Variants in PLCB1 observed in about 807,000 individuals in gnomAD.
The protein encoded by PLCB1 is phospholipase C beta 1.
Under a neutral mutation model 161.8 loss-of-function variants are expected in PLCB1, and 46 were observed. The observed-to-expected ratio is 0.28, with a 90% CI of 0.22 to 0.36. The LOEUF is 0.36. Ranked by LOEUF, PLCB1 falls within the 10% of genes least tolerant of loss-of-function variation. PLCB1 has a pLI of 1.00. For missense variants in PLCB1, 1,016 were observed against 1,472.5 expected, an observed-to-expected ratio of 0.69 and a Z score of 5.07; for synonymous variants, 517 against 503.7, an observed-to-expected ratio of 1.03 and a Z score of -0.35.
chr20:8,648,644 G>A (rs543306233), intron 6 of PLCB1, among the ~76,000 whole-genome samples: 50 of 152,256 alleles, frequency 3.3e-4, no homozygotes, highest in Middle Eastern at 3.4e-3. Flanking sequence ...AAGCTTCTGC[G>A]AATACACAAA....
At chr20:8,734,323 C>T (rs2123504707) in intron 19 of PLCB1, among the ~76,000 whole-genome samples, 1 of 151,770 alleles carries the variant, frequency 6.6e-6, no homozygotes, top group East Asian at 1.9e-4. Context: ...ATTAGTGGCC[C>T]ATATTGGAGA....
chr20:8,279,220 A>T (rs1982753504), intron 2 of PLCB1, among the ~76,000 whole-genome samples: 2 of 152,156 alleles, frequency 1.3e-5, no homozygotes, highest in Non-Finnish European at 2.9e-5. Context: ...TCCTAGCAAA[A>T]CTATTCACAA....
At chr20:8,584,471 TACAC>T (rs1342013264) in intron 3 of PLCB1, among the ~76,000 whole-genome samples, 7 of 115,098 alleles carry the variant, frequency 6.1e-5, no homozygotes, top group Non-Finnish European at 1.0e-4. Flanking sequence ...CACACACACA[TACAC>T]ACACACAGAC....
chr20:8,738,795 A>G (rs1207358364), intron 20 of PLCB1, among the ~76,000 whole-genome samples: 5 of 152,194 alleles, frequency 3.3e-5, no homozygotes, highest in African/African-American at 7.2e-5. Context: ...AATGAAATTT[A>G]TAGGGCAACA....
intron 3 of PLCB1, among the ~76,000 whole-genome samples, chr20:8,518,306 T>G (rs1984218329): frequency 6.6e-6 from 1 of 152,186 alleles, no homozygotes; most frequent in South Asian, 2.1e-4. Context: ...CCCAACATGC[T>G]GAGTTTGATT....
chr20:8,686,479 T>C (rs913201479), intron 10 of PLCB1, among the ~76,000 whole-genome samples: 2 of 152,238 alleles, frequency 1.3e-5, no homozygotes, highest in South Asian at 4.1e-4. Flanking sequence ...TTCCAACTGA[T>C]ATATTTATAT....
intron 3 of PLCB1, among the ~76,000 whole-genome samples, chr20:8,495,505 C>T (rs573585875): frequency 8.2e-4 from 122 of 148,520 alleles, no homozygotes; most frequent in African/African-American, 2.9e-3. Context: ...TCACGCCATT[C>T]TCCTGCCTCA....
At chr20:8,693,976 A>G (rs1375947321) in intron 10 of PLCB1, among the ~76,000 whole-genome samples, 1 of 152,174 alleles carries the variant, frequency 6.6e-6, no homozygotes, top group Non-Finnish European at 1.5e-5. Context: ...ATGATGTCAA[A>G]TACTAGTTTC....
intron 31 of PLCB1, among the ~76,000 whole-genome samples, chr20:8,810,853 A>C (rs573975162): frequency 6.6e-6 from 1 of 152,308 alleles, no homozygotes; most frequent in South Asian, 2.1e-4. Context: ...AGTCCCAGCT[A>C]CTTGGGGGGC....
intron 2 of PLCB1, among the ~76,000 whole-genome samples, chr20:8,308,879 G>C (rs1262205752): frequency 6.6e-6 from 1 of 151,974 alleles, no homozygotes; most frequent in Non-Finnish European, 1.5e-5. Flanking sequence ...TGCCTTTGTA[G>C]TGTAGTTCAT....
chr20:8,658,754 G>GTAGTCACACGCTGGGAGTTAGGAA lies in PLCB1; in HGVS notation c.862+51_862+74dup, dbSNP rs1317425296. The GTAGTCACACGCTGGGAGTTAGGAA allele has an allele frequency of 2.7e-6, 4 of 1,472,206 alleles. No individual in the cohort carries two copies. In the Admixed American group the frequency reaches 8.4e-5, roughly 31 times the overall value. The allele number at this position is 1,472,206 out of a possible 1,614,324, so 91.2% of individuals were successfully genotyped here. On this transcript the variant is annotated intron_variant, in intron 9 of 31. Coordinates refer to ENST00000338037, the MANE Select transcript of PLCB1 (RefSeq NM_015192.4). The stretch of plus-strand genomic sequence containing the variant: ...GGGAAGCTCTTGTTTCTGATTGGGG[G>GTAGTCACACGCTGGGAGTTAGGAA]TAGTCACACGCTGGGAGTTAGGAAC...
At chr20:8,860,458 G>A (rs2327117) in intron 31 of PLCB1, among the ~76,000 whole-genome samples, 42,908 of 152,066 alleles carry the variant, frequency 0.28, 7,369 homozygotes, top group East Asian at 0.65. Flanking sequence ...TGACTAGCTC[G>A]TGTTATTATT....
chr20:8,304,722 T>A (rs113094410), intron 2 of PLCB1, among the ~76,000 whole-genome samples: 4 of 152,174 alleles, frequency 2.6e-5, no homozygotes, highest in African/African-American at 9.6e-5. Context: ...ACATACAGAA[T>A]GCTTCCAGTG....
At chr20:8,401,417 A>G (rs1652736999) in intron 3 of PLCB1, among the ~76,000 whole-genome samples, 2 of 152,200 alleles carry the variant, frequency 1.3e-5, no homozygotes, top group Admixed American at 1.3e-4. Flanking sequence ...CTAAAATAAT[A>G]AAGATTATTT....
At chr20:8,387,276 A>G (rs1987451347) in intron 3 of PLCB1, among the ~76,000 whole-genome samples, 2 of 152,154 alleles carry the variant, frequency 1.3e-5, no homozygotes, top group South Asian at 4.1e-4. Context: ...AAGGTGCATG[A>G]TTCTTCCTTT....
intron 2 of PLCB1, among the ~76,000 whole-genome samples, chr20:8,332,229 TG>T (rs1985391877): frequency 6.6e-6 from 1 of 152,112 alleles, no homozygotes; most frequent in Non-Finnish European, 1.5e-5. Context: ...TTTCCAGCAG[TG>T]GGGAAGGATT....
chr20:8,484,321 G>A (rs1005513872), intron 3 of PLCB1, among the ~76,000 whole-genome samples: 1 of 150,688 alleles, frequency 6.6e-6, no homozygotes. Flanking sequence ...CACTACACCC[G>A]GCCACCTTCT....
At chr20:8,835,726 A>G (rs568784542) in intron 31 of PLCB1, among the ~76,000 whole-genome samples, 12 of 151,924 alleles carry the variant, frequency 7.9e-5, no homozygotes, top group Admixed American at 1.3e-4. Context: ...TTCTCCATAC[A>G]TATTTCATGA....
intron 3 of PLCB1, among the ~76,000 whole-genome samples, chr20:8,560,801 A>G (rs1986117486): frequency 6.6e-6 from 1 of 152,008 alleles, no homozygotes; most frequent in South Asian, 2.1e-4. Flanking sequence ...GTGTATTTTT[A>G]TATGGATCAT....
Sources: gnomAD v4.1 joint callset for allele counts (sites outside exome capture counted in the v4.1 genomes callset) on GRCh38, gnomAD v4.1.1 for gene constraint, MANE v1.5 for transcripts, NCBI Gene and HGNC (gene_info 2026-07-23, HGNC 2026-07-21) for gene names.